The following MYOM2 variants were observed in gnomAD, a reference collection of about 807,000 sequenced individuals.
The protein encoded by MYOM2 is myomesin-2.
MYOM2 carries 254 observed loss-of-function variants against 187.6 expected under a neutral mutation model. The observed-to-expected ratio is 1.35, with a 90% CI of 1.22 to 1.50. MYOM2 has a LOEUF of 1.50. MYOM2 is among the 40% of genes most tolerant of loss of function. MYOM2 has a pLI of 0.00. For synonymous variants in MYOM2, 981 were observed against 753.8 expected (o/e 1.30, Z -4.94); for missense variants, 2,796 against 1,924.0 (o/e 1.45, Z -8.48).
chr8:2,059,127 A>G (rs1818768688), intron 5 of MYOM2, 26 bp from the exon 6 acceptor site: 1 of 1,606,086 alleles, frequency 6.2e-7, no homozygotes. Context: ...CTGCCTTTAA[A>G]CTAAAAACAT....
intron 28 of MYOM2, among the ~76,000 whole-genome samples, chr8:2,118,244 T>C (rs10097327): frequency 0.68 from 103,747 of 152,144 alleles, 35,496 homozygotes; most frequent in Admixed American, 0.73. Flanking sequence ...TATGAGAAAG[T>C]GTGCCCTGGT....
intron 28 of MYOM2, among the ~76,000 whole-genome samples, chr8:2,120,430 G>A (rs149177961): frequency 4.6e-5 from 7 of 151,360 alleles, no homozygotes; most frequent in African/African-American, 1.5e-4. Flanking sequence ...GGGACCTGCC[G>A]TGAAGAGCAA....
chr8:2,109,225 A>C, intron 24 of MYOM2, 170 bp from the exon 25 acceptor site: 2 of 778,096 alleles, frequency 2.6e-6, no homozygotes, highest in Non-Finnish European at 3.9e-6. Context: ...AGGCAACAAC[A>C]GGCCAGCTCA....
intron 18 of MYOM2, chr8:2,097,954 T>TG (rs1796550751): frequency 6.8e-6 from 1 of 146,960 alleles, no homozygotes; most frequent in Non-Finnish European, 1.5e-5. Flanking sequence ...GTCCAGCGCC[T>TG]CCCCGACCCG....
At chr8:2,068,120 G>A (rs1384804809) in intron 6 of MYOM2, among the ~76,000 whole-genome samples, 1 of 152,184 alleles carries the variant, frequency 6.6e-6, no homozygotes, top group East Asian at 1.9e-4. Flanking sequence ...GCTCTTCAAT[G>A]CTCGTGTGCG....
rs558412149 is a variant in MYOM2, at chr8:2,124,329, C to T, written c.3694+112C>T. The T allele has an allele frequency of 1.6e-4, 168 of 1,068,320 alleles. 4 individuals carry two copies. In the South Asian group the frequency reaches 1.6e-3, roughly 10 times the overall value. The allele number at this position is 1,068,320 out of a possible 1,614,324, so 66.2% of individuals were successfully genotyped here. On this transcript the variant is annotated intron_variant, in intron 31 of 36. Transcript: ENST00000262113. ...GCACCATGGAGCTGTGGTGCGTGTT[C>T]TGTGGGAGGCCCTGGATGGAAGGGC...
Position 2,096,658 on chromosome 8 carries a change from G to T in MYOM2, c.2313+224G>T, listed in dbSNP as rs116412014. 3.6e-3 allele frequency among the ~76,000 whole-genome samples: 546 copies of T among 152,280 alleles called. 3 individuals carry two copies. The highest frequency in any genetic ancestry group is 0.013 in the African/African-American group (525 of 41,548). ...AGAAGGGAGCTCAGTGATGGAGTGG[G>T]CCTGACAGTGAGTCCATGACCTCTG... On this transcript the variant is annotated intron_variant, in intron 18 of 36. Coordinates refer to ENST00000262113, the MANE Select transcript of MYOM2 (RefSeq NM_003970.4).
intron 1 of MYOM2, among the ~76,000 whole-genome samples, chr8:2,049,524 G>A (rs904231116): frequency 2.0e-5 from 3 of 152,158 alleles, no homozygotes; most frequent in South Asian, 2.1e-4. Flanking sequence ...ATTCATCTCC[G>A]AGCAGCCCTT....
chr8:2,131,781 C>T (rs572683365), intron 32 of MYOM2, among the ~76,000 whole-genome samples: 12 of 151,480 alleles, frequency 7.9e-5, no homozygotes, highest in Non-Finnish European at 1.5e-4. Flanking sequence ...GTAGCTGGGA[C>T]TACAGGCGCC....
At chr8:2,142,117 C>G (rs566779202) in intron 34 of MYOM2, among the ~76,000 whole-genome samples, 12 of 151,768 alleles carry the variant, frequency 7.9e-5, no homozygotes, top group South Asian at 4.2e-4. Flanking sequence ...AGCTGGAATG[C>G]TAAACTTTTC....
At chr8:2,097,526 A>T (rs1796535717) in intron 18 of MYOM2, among the ~76,000 whole-genome samples, 1 of 152,108 alleles carries the variant, frequency 6.6e-6, no homozygotes, top group African/African-American at 2.4e-5. Context: ...ATATTTATTT[A>T]GTTTTCGAGA....
At chr8:2,085,183 A>G in intron 13 of MYOM2, 80 bp from the exon 14 acceptor site, 1 of 1,523,418 alleles carries the variant, frequency 6.6e-7, no homozygotes, top group Admixed American at 2.0e-5. Context: ...CACGTGGCAG[A>G]GTCCTCCAGT....
chr8:2,069,600 G>C (rs1409105186), intron 8 of MYOM2, 103 bp downstream of exon 8: 1 of 1,249,040 alleles, frequency 8.0e-7, no homozygotes, highest in Non-Finnish European at 1.1e-6. Flanking sequence ...TTTTTTTTTT[G>C]AGACGGAGTC....
chr8:2,125,438 T>C (rs75533104), intron 31 of MYOM2, among the ~76,000 whole-genome samples: 4,068 of 152,238 alleles, frequency 0.027, 73 homozygotes, highest in Middle Eastern at 0.044. Flanking sequence ...TCCTGTTCCA[T>C]TGGCCGATCT....
At chr8:2,122,450 C>G (rs1012506949) in intron 28 of MYOM2, among the ~76,000 whole-genome samples, 3 of 152,204 alleles carry the variant, frequency 2.0e-5, no homozygotes, top group African/African-American at 7.2e-5. Context: ...CTGTCGAGAA[C>G]GATGCCATTT....
At chr8:2,136,249 G>A (rs1055794680) in intron 32 of MYOM2, among the ~76,000 whole-genome samples, 3 of 152,234 alleles carry the variant, frequency 2.0e-5, no homozygotes, top group Non-Finnish European at 2.9e-5. Flanking sequence ...GCCCAGGGAA[G>A]GGTAGCGTCC....
At chr8:2,143,358 G>A (rs375027012) in intron 35 of MYOM2, 43 bp from the exon 36 acceptor site, 28 of 1,612,994 alleles carry the variant, frequency 1.7e-5, no homozygotes, top group South Asian at 1.5e-4. Context: ...CCGTGGGAAC[G>A]TCCCGCAGAT....
chr8:2,052,215 G>C lies in MYOM2; in HGVS notation c.165G>C (p.Gln55His). Residue 55 changes from glutamine to histidine, a missense_variant, in exon 3 of 37, where the codon CAG becomes CAC. Physicochemically the swap from Gln to His is conservative, Grantham distance 24. Coordinates refer to ENST00000262113, the MANE Select transcript of MYOM2 (RefSeq NM_003970.4). ...QKSLSQRSSS[Q>H]RASSQTSLGG... ...CCTTGAGTCAGCGGTCGTCTTCACA[G>C]AGAGCCTCCAGCCAGACGTCCCTGG... 6.2e-7 allele frequency: 1 copy of C among 1,613,308 alleles called. No homozygotes were observed. Among genetic ancestry groups the C allele is most frequent in the Non-Finnish European group, 8.5e-7 (1 of 1,179,720 alleles).
At chr8:2,068,711 T>G (rs776420671) in intron 6 of MYOM2, among the ~76,000 whole-genome samples, 1 of 152,184 alleles carries the variant, frequency 6.6e-6, no homozygotes, top group Non-Finnish European at 1.5e-5. Context: ...TGGGATGGAC[T>G]GCCCCATGGG....
Sources: allele counts gnomAD v4.1 joint callset (sites outside exome capture counted in the v4.1 genomes callset), GRCh38; gene constraint gnomAD v4.1.1; transcripts MANE v1.5; gene names NCBI Gene and HGNC (gene_info 2026-07-23, HGNC 2026-07-21).